C1orf141: variants seen among roughly 807,000 people sequenced by gnomAD.
The protein encoded by C1orf141 is chromosome 1 open reading frame 141.
Under a neutral mutation model 23.2 loss-of-function variants are expected in C1orf141, and 19 were observed. The observed-to-expected ratio is 0.82, with a 90% confidence interval of 0.57 to 1.20. C1orf141 has a LOEUF of 1.20. Among genes scored for constraint, C1orf141 ranks in the 50% most tolerant of loss-of-function variants. The pLI is 0.00. For missense variants in C1orf141, 469 were observed against 455.1 expected (o/e 1.03, Z -0.28); for synonymous variants, 153 against 154.6 (o/e 0.99, Z 0.08).
intron 1 of C1orf141, among the ~76,000 whole-genome samples, chr1:67,132,504 C>T (rs527363271): frequency 1.3e-5 from 2 of 151,590 alleles, no homozygotes; most frequent in African/African-American, 2.4e-5. Flanking sequence ...GCCTGGGTGA[C>T]GAGCGAGTCT....
intron 5 of C1orf141, among the ~76,000 whole-genome samples, chr1:67,097,666 T>C (rs1038558523): frequency 1.3e-5 from 2 of 152,200 alleles, no homozygotes; most frequent in African/African-American, 4.8e-5. Flanking sequence ...ATTTATGCTT[T>C]AGAAAGATCA....
At chr1:67,125,562 G>C (rs1462772079) in intron 4 of C1orf141, among the ~76,000 whole-genome samples, 190 bp downstream of exon 4, 1 of 152,092 alleles carries the variant, frequency 6.6e-6, no homozygotes, top group African/African-American at 2.4e-5. Context: ...AGCTGGGCAT[G>C]GTGGTGCATG....
In C1orf141 at chr1:67,125,928, G is replaced by GAAAAAAAAAAAAAAA. The variant is rs11336462; in HGVS notation, c.76-34_76-20dup. The GAAAAAAAAAAAAAAA allele has an allele frequency of 9.6e-7, 1 of 1,046,636 alleles. No individual in the cohort carries two copies. Among genetic ancestry groups the GAAAAAAAAAAAAAAA allele is most frequent in the African/African-American group, 2.2e-5 (1 of 45,532 alleles). 64.8% of individuals were successfully genotyped at this position (1,046,636 alleles called of 1,614,324 possible). A position where few individuals can be genotyped will look rare whatever the true frequency, so the allele number is the denominator to read the frequency against. The stretch of plus-strand genomic sequence containing the variant: ...TGTTTATCTGCAGCAATGCCAAAGT[G>GAAAAAAAAAAAAAAA]AAAAAAAAAAAAAAAAAAAGAGTAC... On this transcript the variant is annotated intron_variant, in intron 3 of 7. Transcript: ENST00000684719.
In C1orf141 at chr1:67,116,737, G is replaced by T. The variant is rs117404172; in HGVS notation, c.234-1273C>A. Among the ~76,000 whole-genome samples, 150 of 152,088 alleles carry T rather than the reference G, an allele frequency of 9.9e-4. 5 individuals carry two copies. In the East Asian group the frequency reaches 0.027, roughly 28 times the overall value. ...CAAATTTTCTACCTGTTTGGTTCAG[G>T]GAAAGGAATTTAGGCTCCACTTAAG... is the stretch of plus-strand genomic sequence containing the variant. On this transcript the variant is annotated intron_variant, in intron 4 of 7. Transcript: ENST00000684719.
At chr1:67,113,661 G>A (rs369713908) in intron 5 of C1orf141, 14 of 1,234,582 alleles carry the variant, frequency 1.1e-5, no homozygotes, top group South Asian at 2.7e-5. Flanking sequence ...CACCGTGCCC[G>A]GCCAGGTCTT....
At chr1:67,103,933 A>G (rs1340796944) in intron 5 of C1orf141, among the ~76,000 whole-genome samples, 3 of 152,158 alleles carry the variant, frequency 2.0e-5, no homozygotes, top group Admixed American at 2.0e-4. Flanking sequence ...ACATGTTAAT[A>G]TAAACTGAAT....
At chr1:67,113,973 C>T (rs1032634407) in intron 5 of C1orf141, among the ~76,000 whole-genome samples, 1 of 152,110 alleles carries the variant, frequency 6.6e-6, no homozygotes, top group Non-Finnish European at 1.5e-5. Context: ...CCCAACATGC[C>T]AAGCCACTTT....
chr1:67,126,820 C>A (rs1646423909), intron 3 of C1orf141, among the ~76,000 whole-genome samples: 1 of 152,252 alleles, frequency 6.6e-6, no homozygotes, highest in African/African-American at 2.4e-5. Context: ...CCAGCAATCA[C>A]ACTCTCACGC....
upstream of C1orf141, among the ~76,000 whole-genome samples, chr1:67,137,118 C>T (rs182156733): frequency 3.3e-5 from 5 of 152,290 alleles, no homozygotes; most frequent in Admixed American, 2.0e-4. Flanking sequence ...AGTTAGAAAG[C>T]ACATTCCCCA....
At chr1:67,108,424 C>G (rs1246197708) in intron 5 of C1orf141, among the ~76,000 whole-genome samples, 1 of 152,170 alleles carries the variant, frequency 6.6e-6, no homozygotes, top group African/African-American at 2.4e-5. Context: ...TCCTTAATAC[C>G]ATCACATTGG....
intron 5 of C1orf141, among the ~76,000 whole-genome samples, chr1:67,096,785 T>A (rs1645691018): frequency 6.6e-6 from 1 of 152,230 alleles, no homozygotes. Context: ...ATACACATGC[T>A]ATTAGTAACA....
chr1:67,134,223 C>CT (rs1345512123), intron 1 of C1orf141, among the ~76,000 whole-genome samples: 3 of 152,210 alleles, frequency 2.0e-5, no homozygotes, highest in Non-Finnish European at 4.4e-5. Context: ...AGGCTGGTCT[C>CT]TAACTCCTGA....
chr1:67,114,795 T>A (rs1428744628), intron 5 of C1orf141, among the ~76,000 whole-genome samples: 3 of 152,164 alleles, frequency 2.0e-5, no homozygotes, highest in African/African-American at 7.2e-5. Flanking sequence ...TTCTGCCTAG[T>A]CTCCTGAGTA....
intron 5 of C1orf141, among the ~76,000 whole-genome samples, chr1:67,097,970 A>G (rs1645719679): frequency 6.6e-6 from 1 of 152,150 alleles, no homozygotes; most frequent in African/African-American, 2.4e-5. Flanking sequence ...AGGAGAATAA[A>G]AATCACTCCT....
At chr1:67,118,955 G>T (rs924460396) in intron 4 of C1orf141, among the ~76,000 whole-genome samples, 3 of 152,206 alleles carry the variant, frequency 2.0e-5, no homozygotes, top group Admixed American at 1.3e-4. Context: ...GTGTGCTGTT[G>T]TAGCAGCCCA....
intron 7 of C1orf141, 152 bp from the exon 8 acceptor site, chr1:67,093,756 A>G: frequency 1.9e-6 from 1 of 514,016 alleles, no homozygotes; most frequent in Non-Finnish European, 3.3e-6. Context: ...CAAATACATG[A>G]AAATACTGTA....
At chr1:67,106,067 G>A (rs895214854) in intron 5 of C1orf141, among the ~76,000 whole-genome samples, 2 of 152,120 alleles carry the variant, frequency 1.3e-5, no homozygotes, top group East Asian at 1.9e-4. Context: ...GACAGCTAAG[G>A]ATAAAACAAC....
chr1:67,141,512 C>A (rs1646637674), intron 1 of C1orf141, among the ~76,000 whole-genome samples: 1 of 152,088 alleles, frequency 6.6e-6, no homozygotes, highest in Non-Finnish European at 1.5e-5. Flanking sequence ...AATCCCAGCA[C>A]TTTGGTAAGC....
intron 5 of C1orf141, among the ~76,000 whole-genome samples, chr1:67,109,874 A>G (rs1053098979): frequency 1.3e-5 from 2 of 152,164 alleles, no homozygotes. Flanking sequence ...TGAACAGTTA[A>G]GGTCTAAATA....
Sources: gnomAD v4.1 joint callset for allele counts (sites outside exome capture counted in the v4.1 genomes callset) on GRCh38, gnomAD v4.1.1 for gene constraint, MANE v1.5 for transcripts, NCBI Gene and HGNC (gene_info 2026-07-23, HGNC 2026-07-21) for gene names.